SLC25A20: variants seen among roughly 807,000 people sequenced by gnomAD.
The protein encoded by SLC25A20 is mitochondrial carnitine/acylcarnitine carrier protein.
Under a neutral mutation model 39.7 loss-of-function variants are expected in SLC25A20, and 29 were observed. The observed-to-expected ratio is 0.73, with a 90% CI of 0.54 to 1.00. The LOEUF is 1.00. SLC25A20 is among the 50% of genes least tolerant of loss of function. The pLI is 0.00. For synonymous variants in SLC25A20, 103 were observed against 142.2 expected, an observed-to-expected ratio of 0.72 and a Z score of 1.96; for missense variants, 333 against 379.9, an observed-to-expected ratio of 0.88 and a Z score of 1.03.
In SLC25A20 at chr3:48,884,037, C is replaced by A; in HGVS notation, c.286G>T (p.Gly96Trp). 1 of 1,613,890 alleles carries A rather than the reference C, an allele frequency of 6.2e-7. No individual in the cohort carries two copies. Among genetic ancestry groups the A allele is most frequent in the Non-Finnish European group, 8.5e-7 (1 of 1,179,912 alleles). Residue 96 changes from glycine (G) to tryptophan (W), a missense_variant, in exon 3 of 9, where the codon GGG (glycine) becomes TGG (tryptophan). By Grantham distance (184) the Gly-to-Trp change is radical. Coordinates refer to ENST00000319017, the MANE Select transcript of SLC25A20 (RefSeq NM_000387.6). ...GGGTGTTTCTGTTGTAGTTTCTTCC[C>A]CAAACCAAACCCAAAGAAGCACACG... ...FAVCFFGFGL[G>W]KKLQQKHPED...
intron 3 of SLC25A20, among the ~76,000 whole-genome samples, chr3:48,883,678 T>C (rs2083810734): frequency 1.5e-5 from 2 of 134,306 alleles, no homozygotes; most frequent in Non-Finnish European, 3.1e-5. Context: ...TGGAGTGCAG[T>C]GGTGCCATCT....
At chr3:48,858,101 G>A (rs1211453265) in intron 8 of SLC25A20, among the ~76,000 whole-genome samples, 1 of 151,826 alleles carries the variant, frequency 6.6e-6, no homozygotes, top group Non-Finnish European at 1.5e-5. Context: ...CTGAGTAGCT[G>A]GGATTACAGG....
At chr3:48,884,196 A>G in intron 2 of SLC25A20, 72 bp from the exon 3 acceptor site, 1 of 1,599,224 alleles carries the variant, frequency 6.3e-7, no homozygotes, top group South Asian at 1.1e-5. Context: ...AGAGGAAAGC[A>G]GTGTGTCCTC....
At chr3:48,880,402 G>A (rs1005669874) in intron 3 of SLC25A20, among the ~76,000 whole-genome samples, 2 of 150,290 alleles carry the variant, frequency 1.3e-5, no homozygotes, top group African/African-American at 4.9e-5. Context: ...CTCAGCTCCC[G>A]AGTAGCTGGG....
At chr3:48,865,263 G>C (rs375077397) in intron 4 of SLC25A20, among the ~76,000 whole-genome samples, 3 of 151,872 alleles carry the variant, frequency 2.0e-5, no homozygotes, top group Non-Finnish European at 4.4e-5. Context: ...AAGTAGCTGG[G>C]ACTACAGGCA....
At chr3:48,865,514 C>G (rs2083660095) in intron 4 of SLC25A20, among the ~76,000 whole-genome samples, 1 of 150,654 alleles carries the variant, frequency 6.6e-6, no homozygotes, top group Non-Finnish European at 1.5e-5. Context: ...GTAATCTCAG[C>G]ACTCTGGGAG....
intron 2 of SLC25A20, among the ~76,000 whole-genome samples, chr3:48,891,229 C>T (rs531661056): frequency 7.2e-5 from 11 of 152,288 alleles, no homozygotes; most frequent in East Asian, 5.8e-4. Flanking sequence ...CGCATGCCAC[C>T]GTGCACAGCC....
At chr3:48,872,029 G>A (rs1318732472) in intron 4 of SLC25A20, among the ~76,000 whole-genome samples, 7 of 120,566 alleles carry the variant, frequency 5.8e-5, no homozygotes, top group East Asian at 2.6e-4. Context: ...GGGTTTTGCC[G>A]TGCCACACAA....
At chr3:48,895,263 C>T (rs1459179250) in intron 1 of SLC25A20, among the ~76,000 whole-genome samples, 6 of 152,258 alleles carry the variant, frequency 3.9e-5, no homozygotes, top group Non-Finnish European at 4.4e-5. Context: ...CCGCCTCAGC[C>T]TCCCAAAGTG....
intron 4 of SLC25A20, among the ~76,000 whole-genome samples, chr3:48,866,399 C>G (rs1260540166): frequency 6.6e-6 from 1 of 150,478 alleles, no homozygotes; most frequent in East Asian, 2.0e-4. Context: ...ACTAAAAGTA[C>G]AAAAATTAGC....
At chr3:48,876,499 C>T (rs1208472913) in intron 4 of SLC25A20, among the ~76,000 whole-genome samples, 1 of 148,666 alleles carries the variant, frequency 6.7e-6, no homozygotes, top group Non-Finnish European at 1.5e-5. Flanking sequence ...AATCTTGGCT[C>T]ACTGAAAACT....
intron 4 of SLC25A20, among the ~76,000 whole-genome samples, chr3:48,876,645 C>T (rs778505243): frequency 1.3e-4 from 20 of 151,414 alleles, no homozygotes; most frequent in Non-Finnish European, 1.9e-4. Flanking sequence ...AGGCTGGTCT[C>T]GAACTCCTGA....
At chr3:48,875,120 T>C (rs2083745839) in intron 4 of SLC25A20, among the ~76,000 whole-genome samples, 1 of 151,570 alleles carries the variant, frequency 6.6e-6, no homozygotes, top group African/African-American at 2.4e-5. Flanking sequence ...TTATTTATTT[T>C]TGAGACAGAG....
intron 2 of SLC25A20, among the ~76,000 whole-genome samples, chr3:48,887,411 TCAC>T (rs1427324402): frequency 1.3e-5 from 2 of 152,180 alleles, no homozygotes; most frequent in African/African-American, 4.8e-5. Context: ...CAAGACATTC[TCAC>T]CACAACTCCA....
At position 48,877,410 on chromosome 3, in the gene SLC25A20, A is replaced by C. The variant is rs148621335; in HGVS notation, c.417+1948T>G. Among the ~76,000 whole-genome samples the C allele has an allele frequency of 2.9e-3, 436 of 150,778 alleles. 2 individuals are homozygous for C. The highest frequency in any genetic ancestry group is 5.4e-3 in the Non-Finnish European group (363 of 67,700). Reference sequence around the variant, plus strand: ...CACTCCAGCCTGGGCAACAAGAGCGAAATTCTATCTCCAAAAATACAGGAA... The same window carrying C: ...CACTCCAGCCTGGGCAACAAGAGCGCAATTCTATCTCCAAAAATACAGGAA... On this transcript the variant is annotated intron_variant, in intron 4 of 8. Transcript: ENST00000319017.
At chr3:48,877,949 C>T (rs374636867) in intron 4 of SLC25A20, among the ~76,000 whole-genome samples, 1 of 151,870 alleles carries the variant, frequency 6.6e-6, no homozygotes, top group Admixed American at 6.6e-5. Flanking sequence ...GATTCTACTA[C>T]GATTGCTTTT....
intron 4 of SLC25A20, among the ~76,000 whole-genome samples, chr3:48,875,055 C>CT (rs2083744795): frequency 9.1e-6 from 1 of 109,950 alleles, no homozygotes; most frequent in Non-Finnish European, 1.8e-5. Flanking sequence ...GAACGAGACT[C>CT]TGTCTCAGAA....
chr3:48,858,464 C>A, intron 8 of SLC25A20, 43 bp downstream of exon 8: 2 of 1,613,562 alleles, frequency 1.2e-6, no homozygotes, highest in South Asian at 1.1e-5. Flanking sequence ...ATGCACCCTG[C>A]CCTGAGCCCC....
intron 2 of SLC25A20, among the ~76,000 whole-genome samples, chr3:48,884,998 AAGATGGGACTTTT>A (rs753188550): frequency 6.6e-6 from 1 of 152,136 alleles, no homozygotes; most frequent in Non-Finnish European, 1.5e-5. Flanking sequence ...TCCAGGTATT[AAGATGGGACTTTT>A]GTTAGAACTG....
Sources: gnomAD v4.1 joint callset for allele counts (sites outside exome capture counted in the v4.1 genomes callset) on GRCh38, gnomAD v4.1.1 for gene constraint, MANE v1.5 for transcripts, NCBI Gene and HGNC (gene_info 2026-07-23, HGNC 2026-07-21) for gene names.